Variants in PTPRZ1 observed in about 807,000 individuals in gnomAD.
PTPRZ1 encodes the protein receptor-type tyrosine-protein phosphatase zeta.
A neutral mutation model predicts 214.1 loss-of-function variants in PTPRZ1; 82 were observed. The observed-to-expected ratio is 0.38, with a 90% CI of 0.32 to 0.46. PTPRZ1 has a LOEUF of 0.46. Ranked by LOEUF, PTPRZ1 falls within the 20% of genes least tolerant of loss-of-function variation. The pLI, the probability that PTPRZ1 is intolerant of heterozygous loss-of-function variation, is 1.00. For missense variants in PTPRZ1, 2,603 were observed against 2,748.7 expected, an observed-to-expected ratio of 0.95 and a Z score of 1.19; for synonymous variants, 945 against 987.9, an observed-to-expected ratio of 0.96 and a Z score of 0.81.
intron 2 of PTPRZ1, among the ~76,000 whole-genome samples, chr7:121,960,256 G>C (rs1484040955): frequency 6.6e-6 from 1 of 152,072 alleles, no homozygotes; most frequent in South Asian, 2.1e-4. Flanking sequence ...GGCCAGGCTC[G>C]TCTCAAACTC....
At chr7:121,956,272 G>C (rs1796701415) in intron 2 of PTPRZ1, among the ~76,000 whole-genome samples, 1 of 152,052 alleles carries the variant, frequency 6.6e-6, no homozygotes, top group Non-Finnish European at 1.5e-5. Context: ...AAGCCAAACT[G>C]TATCCAGCTT....
chr7:121,950,118 C>A (rs1796506780), intron 2 of PTPRZ1, among the ~76,000 whole-genome samples: 1 of 152,206 alleles, frequency 6.6e-6, no homozygotes, highest in South Asian at 2.1e-4. Flanking sequence ...GACCAAGTCA[C>A]ATCTTACATG....
At chr7:122,038,297 C>G (rs762724999) in intron 18 of PTPRZ1, among the ~76,000 whole-genome samples, 1 of 152,110 alleles carries the variant, frequency 6.6e-6, no homozygotes, top group Non-Finnish European at 1.5e-5. Context: ...ATGATTAGCA[C>G]TTCTCAGCAC....
At chr7:121,885,855 A>G (rs1373472016) in intron 1 of PTPRZ1, among the ~76,000 whole-genome samples, 1 of 152,216 alleles carries the variant, frequency 6.6e-6, no homozygotes, top group Non-Finnish European at 1.5e-5. Flanking sequence ...AAACATCACA[A>G]GAGTCTAAGT....
Position 122,013,511 on chromosome 7 carries a change from A to T in PTPRZ1, c.4465A>T (p.Ser1489Cys), listed in dbSNP as rs761474817. 21 of 1,614,170 alleles carry T rather than the reference A, an allele frequency of 1.3e-5. No individual in the cohort carries two copies. Among genetic ancestry groups the T allele is most frequent in the Non-Finnish European group, 1.8e-5 (21 of 1,180,036 alleles). ...TTCTGAAGAAGATAATAGAGTCACA[A>T]GTGTATCCTCAGACAGTCAAACTGG... Reference protein sequence around the residue: ...ENSEEDNRVTSVSSDSQTGMD... With the variant: ...ENSEEDNRVTCVSSDSQTGMD... The change falls in exon 12 of 30, where the codon AGT (serine) becomes TGT (cysteine). Residue 1489 changes from serine (S) to cysteine (C), a missense_variant. Coordinates refer to ENST00000393386, the MANE Select transcript of PTPRZ1 (RefSeq NM_002851.3).
At chr7:121,955,986 G>T (rs1796693445) in intron 2 of PTPRZ1, among the ~76,000 whole-genome samples, 1 of 152,080 alleles carries the variant, frequency 6.6e-6, no homozygotes. Context: ...GGTTCTGACG[G>T]TTTGATAGCT....
intron 10 of PTPRZ1, among the ~76,000 whole-genome samples, chr7:122,000,165 A>C (rs1211519202): frequency 6.6e-6 from 1 of 152,126 alleles, no homozygotes; most frequent in Non-Finnish European, 1.5e-5. Flanking sequence ...GTTCCTCCAA[A>C]GTTTGGGATT....
chr7:122,008,702 G>A (rs567024000), intron 11 of PTPRZ1, among the ~76,000 whole-genome samples: 1 of 152,078 alleles, frequency 6.6e-6, no homozygotes, highest in African/African-American at 2.4e-5. Context: ...GAGAGAAGGA[G>A]TGTGGAGTGA....
At chr7:122,023,604 TTTA>T (rs1562868512) in intron 13 of PTPRZ1, among the ~76,000 whole-genome samples, 1 of 132,582 alleles carries the variant, frequency 7.5e-6, no homozygotes, top group Non-Finnish European at 1.6e-5. Flanking sequence ...TATGTATAAT[TTTA>T]TATATAATTA....
At chr7:121,886,324 T>G (rs740960) in intron 1 of PTPRZ1, among the ~76,000 whole-genome samples, 89,183 of 151,868 alleles carry the variant, frequency 0.59, 27,776 homozygotes, top group African/African-American at 0.8. Flanking sequence ...TCCTCACAGG[T>G]TCTTTATCTG....
At chr7:121,882,719 G>A (rs1260926481) in intron 1 of PTPRZ1, among the ~76,000 whole-genome samples, 2 of 152,156 alleles carry the variant, frequency 1.3e-5, no homozygotes, top group African/African-American at 2.4e-5. Context: ...GATTGAAGCC[G>A]AGGGAGACAG....
intron 1 of PTPRZ1, among the ~76,000 whole-genome samples, chr7:121,888,934 C>T (rs1794491140): frequency 6.6e-6 from 1 of 151,956 alleles, no homozygotes; most frequent in African/African-American, 2.4e-5. Flanking sequence ...TGGCAAATAG[C>T]TATAAGGAAT....
rs1317469821 is a variant in PTPRZ1, at chr7:121,881,749, G to A, written c.58+8192G>A. Among the ~76,000 whole-genome samples, 8 of 152,156 alleles carry A rather than the reference G, an allele frequency of 5.3e-5. No homozygotes were observed. The South Asian group carries it at 6.2e-4, about 12-fold the overall frequency. On this transcript the variant is annotated intron_variant, in intron 1 of 29. Coordinates refer to ENST00000393386, the MANE Select transcript of PTPRZ1 (RefSeq NM_002851.3). ...AGCCAGGGAAACTTTAGGAGGCCAG[G>A]CAGTCTTGGAGTGGGTCCAAAGATT...
intron 23 of PTPRZ1, among the ~76,000 whole-genome samples, chr7:122,046,386 A>G (rs1791982178): frequency 6.6e-6 from 1 of 152,090 alleles, no homozygotes; most frequent in South Asian, 2.1e-4. Context: ...CCAGTCTGGG[A>G]GATAGAGTGA....
In PTPRZ1 at chr7:121,996,485, G is replaced by T. The variant is rs767700738; in HGVS notation, c.1032G>T (p.Glu344Asp). The change falls in exon 9 of 30, where the codon GAG becomes GAT. Residue 344 changes from glutamate (E) to aspartate (D), a missense_variant. By Grantham distance (45) the Glu-to-Asp change is conservative. Coordinates refer to ENST00000393386, the MANE Select transcript of PTPRZ1 (RefSeq NM_002851.3). ...RPRVVYDTMI[E>D]KFAVLYQQLD... ...GAGTCGTTTATGATACCATGATTGAGAAGTTTGCAGTTTTGTACCAGCAGT... is the reference window on the plus strand; with the variant it reads ...GAGTCGTTTATGATACCATGATTGATAAGTTTGCAGTTTTGTACCAGCAGT... 3 of 1,611,068 alleles carry T rather than the reference G, an allele frequency of 1.9e-6. No individual in the cohort carries two copies. In the South Asian group the frequency reaches 3.3e-5, roughly 18 times the overall value.
At position 122,013,511 on chromosome 7, in the gene PTPRZ1, A is replaced by G; in HGVS notation, c.4465A>G (p.Ser1489Gly). ...ENSEEDNRVTSVSSDSQTGMD... is the reference protein window; with the variant it reads ...ENSEEDNRVTGVSSDSQTGMD... Reference sequence around the variant, plus strand: ...TTCTGAAGAAGATAATAGAGTCACAAGTGTATCCTCAGACAGTCAAACTGG... The same window carrying G: ...TTCTGAAGAAGATAATAGAGTCACAGGTGTATCCTCAGACAGTCAAACTGG... The change falls in exon 12 of 30, where the codon AGT becomes GGT. Residue 1489 changes from serine (S) to glycine (G), a missense_variant. Around this residue, in one of 6 missense-constraint regions of PTPRZ1, gnomAD observed 1,913 missense variants for 1,914.3 expected, o/e 1.00. Coordinates refer to ENST00000393386, the MANE Select transcript of PTPRZ1 (RefSeq NM_002851.3). 1 of 1,614,170 alleles carries G rather than the reference A, an allele frequency of 6.2e-7. No homozygotes were observed. The highest frequency in any genetic ancestry group is 8.5e-7 in the Non-Finnish European group (1 of 1,180,036).
intron 1 of PTPRZ1, among the ~76,000 whole-genome samples, chr7:121,877,513 A>G (rs1229517345): frequency 6.6e-6 from 1 of 152,170 alleles, no homozygotes; most frequent in Admixed American, 6.5e-5. Flanking sequence ...TCACCGATGC[A>G]TATGGTCATG....
intron 2 of PTPRZ1, among the ~76,000 whole-genome samples, chr7:121,938,652 T>TA (rs1034369050): frequency 6.6e-6 from 1 of 151,682 alleles, no homozygotes; most frequent in African/African-American, 2.4e-5. Context: ...AGGGCCTATC[T>TA]AGCTTTCAAA....
At chr7:122,048,199 A>G (rs1024908315) in intron 23 of PTPRZ1, among the ~76,000 whole-genome samples, 1 of 152,140 alleles carries the variant, frequency 6.6e-6, no homozygotes. Context: ...GAAGCACTAC[A>G]TAACATTTTT....
Sources: gnomAD v4.1 joint callset for allele counts (sites outside exome capture counted in the v4.1 genomes callset) on GRCh38, gnomAD v4.1.1 for gene constraint, gnomAD v4.1.1 regional missense constraint, MANE v1.5 for transcripts, NCBI Gene and HGNC (gene_info 2026-07-23, HGNC 2026-07-21) for gene names.